APOC3: variants seen among roughly 807,000 people sequenced by gnomAD.
APOC3 encodes apolipoprotein C3, also known as apolipoprotein C-III.
In APOC3, 6 loss-of-function variants were observed where a neutral mutation model predicts 7.3. That is an observed-to-expected ratio of 0.82 (90% confidence interval 0.45 to 1.61). The LOEUF is 1.61. Ranked by LOEUF, APOC3 falls within the 40% of genes most tolerant of loss-of-function variation. The probability of loss-of-function intolerance (pLI) is 0.01; values close to 1 mark genes in which losing one functional copy is unlikely to be tolerated. For synonymous variants in APOC3, 45 were observed against 51.2 expected (o/e 0.88, Z 0.52); for missense variants, 123 against 124.9 (o/e 0.98, Z 0.07).
In APOC3 at chr11:116,830,555, G is replaced by A. The variant is rs1415191090; in HGVS notation, c.-13-15G>A. The A allele has an allele frequency of 6.2e-7, 1 of 1,613,738 alleles. No individual in the cohort carries two copies. Among genetic ancestry groups the A allele is most frequent in the African/African-American group, 1.3e-5 (1 of 74,926 alleles). ...TGGGGACCTGGGGTGCCCCTCACAG[G>A]ACACTTCCTTGCAGGAACAGAGGTG... is the stretch of plus-strand genomic sequence containing the variant. On this transcript the variant is annotated splice_polypyrimidine_tract_variant and intron_variant, in intron 1 of 3. Coordinates refer to ENST00000227667, the MANE Select transcript of APOC3 (RefSeq NM_000040.3).
Position 116,832,880 on chromosome 11 carries a change from C to T in APOC3, c.296C>T (p.Ala99Val). ...PEVRPTSAVA[A>V] ...GTCAGACCAACTTCAGCCGTGGCTGCCTGAGACCTCAATACCCCAAGTCCA... is the reference window on the plus strand; with the variant it reads ...GTCAGACCAACTTCAGCCGTGGCTGTCTGAGACCTCAATACCCCAAGTCCA... The change falls in exon 4 of 4, where the codon GCC becomes GTC. Residue 99 changes from alanine (A) to valine (V), a missense_variant. Physicochemically the swap from Ala to Val is moderately conservative, Grantham distance 64. Coordinates refer to ENST00000227667, the MANE Select transcript of APOC3 (RefSeq NM_000040.3). 2 of 1,613,790 alleles carry T rather than the reference C, an allele frequency of 1.2e-6. No individual in the cohort carries two copies. The highest frequency in any genetic ancestry group is 1.7e-6 in the Non-Finnish European group (2 of 1,180,026).
At chr11:116,830,685 G>T (rs770678622) in intron 2 of APOC3, 48 bp downstream of exon 2, 3 of 1,613,350 alleles carry the variant, frequency 1.9e-6, no homozygotes, top group Non-Finnish European at 2.5e-6. Flanking sequence ...AGGCAACTTG[G>T]GGATCCCAGT....
rs1941439419 is a variant in APOC3, at chr11:116,830,898, T to C, written c.179+2T>C. The C allele has an allele frequency of 6.2e-7, 1 of 1,611,752 alleles. No homozygotes were observed. Among genetic ancestry groups the C allele is most frequent in the Admixed American group, 1.7e-5 (1 of 59,928 alleles). On this transcript the variant is annotated splice_donor_variant, in intron 3 of 3. Coordinates refer to ENST00000227667, the MANE Select transcript of APOC3 (RefSeq NM_000040.3). LOFTEE classifies it high-confidence loss of function. ...GTCCCAGGTGGCCCAGCAGGCCAGG[T>C]ACACCCGCTGGCCTCCCTCCCCATC...
intron 1 of APOC3, 97 bp from the exon 2 acceptor site, chr11:116,830,473 C>G: frequency 3.1e-6 from 4 of 1,310,666 alleles, no homozygotes; most frequent in Non-Finnish European, 4.3e-6. Context: ...CTGGCAGACC[C>G]AGCTAAGGTT....
At position 116,832,967 on chromosome 11, in the gene APOC3, T is replaced by C; in HGVS notation, c.*83T>C. 6.3e-7 allele frequency: 1 copy of C among 1,597,774 alleles called. No individual in the cohort carries two copies. The stretch of plus-strand genomic sequence containing the variant: ...AATCTCCAGGGCTGCCCCTGTAGGT[T>C]GCTTAAAAGGGACAGTATTCTCAGT... On this transcript the variant is annotated 3_prime_UTR_variant, in exon 4 of 4. Coordinates refer to ENST00000227667, the MANE Select transcript of APOC3 (RefSeq NM_000040.3).
intron 3 of APOC3, among the ~76,000 whole-genome samples, chr11:116,832,147 C>T (rs1941469891): frequency 6.6e-6 from 1 of 152,200 alleles, no homozygotes; most frequent in African/African-American, 2.4e-5. Context: ...CCCATCCTGC[C>T]CCTGCCCATC....
rs778463167 is a variant in APOC3 at position 116,832,799 on chromosome 11, AC to A, written c.216del (p.Tyr73ThrfsTer?). On this transcript the variant is annotated frameshift_variant, in exon 4 of 4. Transcript: ENST00000227667. LOFTEE classifies it low-confidence loss of function (END_TRUNC). ...WVTDGFSSLK[D>X]YWSTVKDKFS... ...ACCGATGGCTTCAGTTCCCTGAAAG[AC>A]TACTGGAGCACCGTTAAGGACAAGT... 3 of 1,614,142 alleles carry A rather than the reference AC, an allele frequency of 1.9e-6. No homozygotes were observed. The highest frequency in any genetic ancestry group is 2.5e-6 in the Non-Finnish European group (3 of 1,180,020).
At position 116,830,645 on chromosome 11, in the gene APOC3, C is replaced by G. The variant is rs1941435729; in HGVS notation, c.55+8C>G. 6.2e-7 allele frequency: 1 copy of G among 1,613,884 alleles called. No individual in the cohort carries two copies. Among genetic ancestry groups the G allele is most frequent in the Non-Finnish European group, 8.5e-7 (1 of 1,179,996 alleles). ...CGCTCCTGGCCTCTGCCCGTAAGCA[C>G]TTGGTGGGACTGGGCTGGGGGCAGG... On this transcript the variant is annotated splice_region_variant and intron_variant, in intron 2 of 3. Coordinates refer to ENST00000227667, the MANE Select transcript of APOC3 (RefSeq NM_000040.3).
chr11:116,830,990 G>A (rs1941440742), intron 3 of APOC3, 94 bp downstream of exon 3: 1 of 1,479,508 alleles, frequency 6.8e-7, no homozygotes, highest in Non-Finnish European at 9.2e-7. Flanking sequence ...TGGAATGGAG[G>A]TGCTCCAGCC....
intron 1 of APOC3, 176 bp from the exon 2 acceptor site, chr11:116,830,394 C>G: frequency 4.4e-6 from 3 of 676,452 alleles, no homozygotes; most frequent in Non-Finnish European, 7.7e-6. Context: ...CTTTGGGCCT[C>G]GATCCCTCGC....
rs1325866154 is a variant in APOC3 at position 116,831,238 on chromosome 11, TTTCTTTCTTTC to T, written c.179+345_179+355del. The T allele has an allele frequency of 1.7e-4, 23 of 136,260 alleles. No homozygotes were observed. In the East Asian group the frequency reaches 2.8e-3, roughly 17 times the overall value. The allele number at this position is 136,260 out of a possible 1,614,324, so 8.4% of individuals were successfully genotyped here. ...CTTTCTTTCTTTCTTTCTTTCTTTC[TTTCTTTCTTTC>T]TTTCTTTCCTTTCTTTCTTTCCTTT... On this transcript the variant is annotated intron_variant, in intron 3 of 3. Coordinates refer to ENST00000227667, the MANE Select transcript of APOC3 (RefSeq NM_000040.3).
At position 116,831,189 on chromosome 11, in the gene APOC3, ATTTCTTTCTTTCTTTCTTTC is replaced by A. The variant is rs1210737487; in HGVS notation, c.179+342_179+361del. ...TTCCTTTCCCTTTCTTTCTCTTTCT[ATTTCTTTCTTTCTTTCTTTC>A]TTTCTTTCTTTCTTTCTTTCTTTCT... is the stretch of plus-strand genomic sequence containing the variant. On this transcript the variant is annotated intron_variant, in intron 3 of 3. Coordinates refer to ENST00000227667, the MANE Select transcript of APOC3 (RefSeq NM_000040.3). The A allele has an allele frequency of 4.4e-4, 66 of 148,476 alleles. 1 individual carries two copies. Among genetic ancestry groups the A allele is most frequent in the South Asian group, 2.4e-3 (8 of 3,376 alleles). 9.2% of individuals were successfully genotyped at this position (148,476 alleles called of 1,614,324 possible).
rs1370824527 is a variant in APOC3 at position 116,832,749 on chromosome 11, C to T, written c.180-15C>T. On this transcript the variant is annotated splice_polypyrimidine_tract_variant and intron_variant, in intron 3 of 3. Transcript: ENST00000227667. ...TTCTCATGCCCTGCTCTGTTGCTTC[C>T]CCTGACTGATTTAGGGGCTGGGTGA... The T allele has an allele frequency of 6.2e-7, 1 of 1,614,068 alleles. No homozygotes were observed. The highest frequency in any genetic ancestry group is 8.5e-7 in the Non-Finnish European group (1 of 1,180,020).
At chr11:116,831,386 A>G (rs1277678442) in intron 3 of APOC3, among the ~76,000 whole-genome samples, 2 of 115,102 alleles carry the variant, frequency 1.7e-5, no homozygotes, top group African/African-American at 6.7e-5. Context: ...TTTTTTTTTA[A>G]TGGAGTCTCC....
chr11:116,832,990 A>G lies in APOC3; in HGVS notation c.*106A>G. 1 of 1,507,826 alleles carries G rather than the reference A, an allele frequency of 6.6e-7. No homozygotes were observed. Among genetic ancestry groups the G allele is most frequent in the Middle Eastern group, 2.3e-4 (1 of 4,400 alleles). The allele number at this position is 1,507,826 out of a possible 1,614,324, so 93.4% of individuals were successfully genotyped here. The stretch of plus-strand genomic sequence containing the variant: ...GTTGCTTAAAAGGGACAGTATTCTC[A>G]GTGCTCTCCTACCCCACCTCATGCC... On this transcript the variant is annotated 3_prime_UTR_variant, in exon 4 of 4. Coordinates refer to ENST00000227667, the MANE Select transcript of APOC3 (RefSeq NM_000040.3).
intron 3 of APOC3, 93 bp from the exon 4 acceptor site, chr11:116,832,671 G>A: frequency 1.3e-6 from 2 of 1,579,956 alleles, no homozygotes; most frequent in South Asian, 2.2e-5. Context: ...GGTCCTGACT[G>A]GTGTCGTCCA....
intron 3 of APOC3, 189 bp downstream of exon 3, chr11:116,831,085 C>A: frequency 1.4e-6 from 1 of 716,842 alleles, no homozygotes; most frequent in African/African-American, 1.8e-5. Context: ...AGAGTTGAGA[C>A]TGCATTCCTC....
Position 116,830,894 on chromosome 11 carries a change from C to T in APOC3, c.177C>T (p.Ala59=). 1 of 1,612,590 alleles carries T rather than the reference C, an allele frequency of 6.2e-7. No individual in the cohort carries two copies. The highest frequency in any genetic ancestry group is 1.1e-5 in the South Asian group (1 of 91,060). The part of the protein sequence containing the change: ...SVQESQVAQQ[A]RGWVTDGFSS... ...AGGAGTCCCAGGTGGCCCAGCAGGC[C>T]AGGTACACCCGCTGGCCTCCCTCCC... is the stretch of plus-strand genomic sequence containing the variant. Residue 59 remains alanine, a splice_region_variant and synonymous_variant, in exon 3 of 4, where the codon GCC becomes GCT. Coordinates refer to ENST00000227667, the MANE Select transcript of APOC3 (RefSeq NM_000040.3).
At chr11:116,831,197 C>CTA (rs1204306235) in intron 3 of APOC3, 1,456 of 41,470 alleles carry the variant, frequency 0.035, 32 homozygotes, top group African/African-American at 0.1. Context: ...CTATTTCTTT[C>CTA]TTTCTTTCTT....
Sources: gnomAD v4.1 joint callset for allele counts (sites outside exome capture counted in the v4.1 genomes callset) on GRCh38, gnomAD v4.1.1 for gene constraint, MANE v1.5 for transcripts, NCBI Gene and HGNC (gene_info 2026-07-23, HGNC 2026-07-21) for gene names.